DMD: variants seen among roughly 807,000 people sequenced by gnomAD.
DMD encodes the protein dystrophin, also known as mutant dystrophin.
DMD carries 63 observed loss-of-function variants against 330.1 expected under a neutral mutation model. The observed-to-expected ratio is 0.19, with a 90% CI of 0.16 to 0.24. DMD has a LOEUF of 0.24. Ranked by LOEUF, DMD falls within the 10% of genes least tolerant of loss-of-function variation. The probability of loss-of-function intolerance (pLI) is 1.00; values close to 1 mark genes in which losing one functional copy is unlikely to be tolerated. For missense variants in DMD, 3,344 were observed against 2,684.1 expected (o/e 1.25, Z -5.43); for synonymous variants, 1,223 against 959.8 (o/e 1.27, Z -5.07).
chrX:32,859,014 T>C (rs1457891369), intron 2 of DMD, among the ~76,000 whole-genome samples: 1 of 111,576 alleles, frequency 9.0e-6, no homozygotes, highest in Non-Finnish European at 1.9e-5. Context: ...GGGCTCAAAT[T>C]ATTACTCCAG....
At chrX:31,176,573 G>C (rs1417993165) in intron 71 of DMD, among the ~76,000 whole-genome samples, 1 of 111,207 alleles carries the variant, frequency 9.0e-6, no homozygotes, top group Non-Finnish European at 1.9e-5. Context: ...TCCACATAGA[G>C]TAAATCCATT....
intron 16 of DMD, among the ~76,000 whole-genome samples, chrX:32,561,455 G>GA (rs753044810): frequency 7.4e-4 from 82 of 111,544 alleles, no homozygotes; most frequent in African/African-American, 2.4e-3. Context: ...AAAGATTAGA[G>GA]AAAAAGAAAA....
intron 55 of DMD, among the ~76,000 whole-genome samples, chrX:31,583,402 A>G (rs1404975048): frequency 1.8e-5 from 2 of 111,493 alleles, no homozygotes; most frequent in African/African-American, 6.5e-5. Context: ...TCCTATGGAG[A>G]CAGGTCAGGT....
At position 32,863,089 on chromosome X, in the gene DMD, T is replaced by C. The variant is rs748536929; in HGVS notation, c.94-13269A>G. Among the ~76,000 whole-genome samples, 302 of 111,098 alleles carry C rather than the reference T, an allele frequency of 2.7e-3. 1 individual carries two copies. The highest frequency in any genetic ancestry group is 4.4e-3 in the Non-Finnish European group (235 of 53,050). ...ATAGATACATGATTTGCATTTGAGA[T>C]AGCCAGTGATGGAAATGAAGGCTAA... is the stretch of plus-strand genomic sequence containing the variant. On this transcript the variant is annotated intron_variant, in intron 2 of 78. Coordinates refer to ENST00000357033, the MANE Select transcript of DMD (RefSeq NM_004006.3).
chrX:33,218,539 T>A lies in DMD; in HGVS notation c.7+120720A>T, dbSNP rs189738890. The stretch of plus-strand genomic sequence containing the variant: ...CTTTCACTGTTTTTAAGACTTTTTT[T>A]AAAAAAAAAATATAACTAGTTTTCA... On this transcript the variant is annotated intron_variant, in intron 1 of 17. Coordinates refer to the DMD transcript ENST00000288447. Among the ~76,000 whole-genome samples, 422 of 108,752 alleles carry A rather than the reference T, an allele frequency of 3.9e-3. 1 individual carries two copies. The highest frequency in any genetic ancestry group is 0.012 in the South Asian group (30 of 2,587). The allele number at this position is 108,752 out of a possible 115,157, so 94.4% of individuals were successfully genotyped here.
chrX:33,237,041 A>G (rs2052496318), intron 1 of DMD, among the ~76,000 whole-genome samples: 1 of 111,475 alleles, frequency 9.0e-6, no homozygotes, highest in Non-Finnish European at 1.9e-5. Flanking sequence ...GTAAGGATAG[A>G]CTATGTCAGC....
chrX:32,790,131 C>T, intron 7 of DMD, among the ~76,000 whole-genome samples: 1 of 111,725 alleles, frequency 9.0e-6, no homozygotes, highest in East Asian at 2.8e-4. Flanking sequence ...ATCTGTTACT[C>T]ACCTCTTCCA....
chrX:32,873,488 T>C (rs1400307355), intron 2 of DMD, among the ~76,000 whole-genome samples: 1 of 111,062 alleles, frequency 9.0e-6, no homozygotes, highest in Non-Finnish European at 1.9e-5. Flanking sequence ...ACTACAATTT[T>C]GAGGAAATAA....
chrX:32,636,024 GCTGCAAAGC>G (rs747869614), intron 11 of DMD, among the ~76,000 whole-genome samples: 7 of 111,898 alleles, frequency 6.3e-5, no homozygotes, highest in Non-Finnish European at 1.1e-4. Flanking sequence ...ACTAGACTCA[GCTGCAAAGC>G]CTGACACTGC....
At chrX:32,099,798 A>C (rs1430565004) in intron 44 of DMD, among the ~76,000 whole-genome samples, 3 of 105,874 alleles carry the variant, frequency 2.8e-5, no homozygotes, top group Non-Finnish European at 5.8e-5. Flanking sequence ...TGTTAAATGA[A>C]GAGTTAATGG....
intron 16 of DMD, among the ~76,000 whole-genome samples, chrX:32,553,232 A>G: frequency 8.9e-6 from 1 of 112,140 alleles, no homozygotes; most frequent in South Asian, 3.7e-4. Flanking sequence ...AATTCTATGC[A>G]GCCATGAAAA....
chrX:31,170,004 T>C (rs1192333973), intron 73 of DMD, among the ~76,000 whole-genome samples: 1 of 112,085 alleles, frequency 8.9e-6, no homozygotes, highest in Non-Finnish European at 1.9e-5. Flanking sequence ...TTGTACTGAG[T>C]AGGAAAAAAT....
chrX:31,288,357 C>G (rs747882371), intron 62 of DMD, among the ~76,000 whole-genome samples: 12 of 111,973 alleles, frequency 1.1e-4, no homozygotes, highest in Non-Finnish European at 2.1e-4. Flanking sequence ...GAAGCATCTA[C>G]TTAGGGCAGG....
At chrX:32,741,804 T>C (rs2069310932) in intron 7 of DMD, among the ~76,000 whole-genome samples, 1 of 111,959 alleles carries the variant, frequency 8.9e-6, no homozygotes, top group South Asian at 3.7e-4. Flanking sequence ...GATGATTGTA[T>C]GGCATATAAA....
intron 7 of DMD, among the ~76,000 whole-genome samples, chrX:32,715,039 C>A (rs2065554687): frequency 9.0e-6 from 1 of 111,559 alleles, no homozygotes; most frequent in Non-Finnish European, 1.9e-5. Flanking sequence ...TATATTAGAT[C>A]TTTCAACTTG....
intron 60 of DMD, among the ~76,000 whole-genome samples, chrX:31,379,908 C>A (rs1454214656): frequency 1.8e-5 from 2 of 111,561 alleles, no homozygotes; most frequent in East Asian, 2.8e-4. Context: ...ACTCCCAGAG[C>A]CCCTGGAACT....
chrX:33,028,369 A>C (rs2094041205), intron 1 of DMD, among the ~76,000 whole-genome samples: 1 of 112,249 alleles, frequency 8.9e-6, no homozygotes, highest in Non-Finnish European at 1.9e-5. Context: ...TAAGAGAACT[A>C]ACTTGAAAAA....
At chrX:31,556,967 T>C (rs1425970298) in intron 55 of DMD, among the ~76,000 whole-genome samples, 1 of 112,418 alleles carries the variant, frequency 8.9e-6, no homozygotes, top group Non-Finnish European at 1.9e-5. Context: ...GGCATTCTGC[T>C]AGATACTGCA....
Position 31,206,619 on chromosome X carries a change from A to T in DMD, c.9612T>A (p.Ile3204=). 1 of 1,211,135 alleles carries T rather than the reference A, an allele frequency of 8.3e-7. No individual in the cohort carries two copies. Residue 3204 remains isoleucine, a synonymous_variant, in exon 66 of 79, where the codon ATT becomes ATA. Coordinates refer to ENST00000357033, the MANE Select transcript of DMD (RefSeq NM_004006.3). ...IRVLSFKTGI[I]SLCKAHLEDK... is the part of the protein sequence containing the mutation. Reference sequence around the variant, plus strand: ...CTTCCAAATGTGCTTTACACAGGGAAATGATGCCAGTTTTAAAAGACAGGA... The same window carrying T: ...CTTCCAAATGTGCTTTACACAGGGATATGATGCCAGTTTTAAAAGACAGGA...
Sources: allele counts gnomAD v4.1 joint callset (sites outside exome capture counted in the v4.1 genomes callset), GRCh38; gene constraint gnomAD v4.1.1; transcripts MANE v1.5; gene names NCBI Gene and HGNC (gene_info 2026-07-23, HGNC 2026-07-21).